The following PADI1 variants were observed in gnomAD, a reference collection of about 807,000 sequenced individuals.
PADI1 encodes the protein protein-arginine deiminase type-1.
PADI1 carries 65 observed loss-of-function variants against 74.8 expected under a neutral mutation model. The ratio of observed to expected loss-of-function variants is 0.87; its 90% CI spans 0.71 to 1.07. PADI1 has a LOEUF of 1.07. PADI1 is among the 50% of genes least tolerant of loss of function. The pLI is 0.00. For missense variants in PADI1, 943 were observed against 854.0 expected, an observed-to-expected ratio of 1.10 and a Z score of -1.30; for synonymous variants, 371 against 336.2, an observed-to-expected ratio of 1.10 and a Z score of -1.13.
chr1:17,212,391 C>T (rs2071856973), intron 1 of PADI1, among the ~76,000 whole-genome samples: 1 of 150,680 alleles, frequency 6.6e-6, no homozygotes, highest in African/African-American at 2.4e-5. Flanking sequence ...CACCACTCAT[C>T]CAGCACAGTG....
At position 17,228,708 on chromosome 1, in the gene PADI1, G is replaced by T. The variant is rs1316554564; in HGVS notation, c.736G>T (p.Glu246Ter). The change falls in exon 7 of 16, where the codon GAG becomes TAG. Residue 246 changes from glutamate (E) to a stop codon, truncating the protein, a stop_gained. Coordinates refer to ENST00000375471, the MANE Select transcript of PADI1 (RefSeq NM_013358.3). LOFTEE classifies it high-confidence loss of function. ...AGTTGAGCGACAGCCAGGGGAGCAG[G>T]AGATCAAGTTCTATGTGGAGGGGCT... ...YEVERQPGEQ[E>*]IKFYVEGLTF... 4 of 1,614,224 alleles carry T rather than the reference G, an allele frequency of 2.5e-6. No homozygotes were observed. In the East Asian group the frequency reaches 8.9e-5, roughly 36 times the overall value.
chr1:17,221,021 C>T (rs986384775), intron 1 of PADI1, among the ~76,000 whole-genome samples: 1 of 152,216 alleles, frequency 6.6e-6, no homozygotes, highest in Non-Finnish European at 1.5e-5. Flanking sequence ...GTGCCCCAGG[C>T]TGGGGCCAAG....
Position 17,244,623 on chromosome 1 carries a change from C to G in PADI1, c.*380C>G, listed in dbSNP as rs2072847538. 2.7e-6 allele frequency: 1 copy of G among 370,100 alleles called. No individual in the cohort carries two copies. Among genetic ancestry groups the G allele is most frequent in the African/African-American group, 2.1e-5 (1 of 47,440 alleles). The allele number at this position is 370,100 out of a possible 1,614,324, so 22.9% of individuals were successfully genotyped here. A position where few individuals can be genotyped will look rare whatever the true frequency, so the allele number is the denominator to read the frequency against. On this transcript the variant is annotated 3_prime_UTR_variant, in exon 16 of 16. Coordinates refer to ENST00000375471, the MANE Select transcript of PADI1 (RefSeq NM_013358.3). Reference sequence around the variant, plus strand: ...CAAGGATAATGACTTTGCATCTGCACCTGGAACGGGGCCTGGGGGACCTGG... The same window carrying G: ...CAAGGATAATGACTTTGCATCTGCAGCTGGAACGGGGCCTGGGGGACCTGG...
intron 6 of PADI1, among the ~76,000 whole-genome samples, chr1:17,226,894 C>CA (rs1215202913): frequency 6.6e-6 from 1 of 151,894 alleles, no homozygotes; most frequent in East Asian, 1.9e-4. Flanking sequence ...CTAAAAAATA[C>CA]AAAAAAATTA....
intron 1 of PADI1, among the ~76,000 whole-genome samples, chr1:17,221,572 G>C (rs555676964): frequency 1.3e-5 from 2 of 152,226 alleles, no homozygotes; most frequent in Non-Finnish European, 1.5e-5. Context: ...ATTGGGTGGG[G>C]GCAGGAGCTT....
chr1:17,212,096 C>T lies in PADI1; in HGVS notation c.92+6787C>T, dbSNP rs903315324. The stretch of plus-strand genomic sequence containing the variant: ...GCTGCTGGCCTTTAGCTGGAGCTCA[C>T]GGGGTGGCGGCCAGTACCCCGGGAC... On this transcript the variant is annotated intron_variant, in intron 1 of 15. Transcript: ENST00000375471. Among the ~76,000 whole-genome samples, 18 of 152,198 alleles carry T rather than the reference C, an allele frequency of 1.2e-4. 1 individual carries two copies. Among genetic ancestry groups the T allele is most frequent in the Non-Finnish European group, 1.5e-4 (10 of 68,032 alleles).
chr1:17,233,042 T>C (rs2072541469), intron 11 of PADI1, 72 bp downstream of exon 11: 1 of 1,341,886 alleles, frequency 7.5e-7, no homozygotes. Flanking sequence ...TGTGCCCCCA[T>C]CACAAACACA....
chr1:17,209,588 C>T (rs1227456657), intron 1 of PADI1, among the ~76,000 whole-genome samples: 1 of 152,196 alleles, frequency 6.6e-6, no homozygotes, highest in African/African-American at 2.4e-5. Flanking sequence ...CTCTCCCCCT[C>T]CCTCTGGCCC....
At chr1:17,212,772 T>TCTCTGACCC (rs2071866918) in intron 1 of PADI1, among the ~76,000 whole-genome samples, 2 of 152,292 alleles carry the variant, frequency 1.3e-5, no homozygotes, top group African/African-American at 2.4e-5. Flanking sequence ...ACCCAAGGCC[T>TCTCTGACCC]ATGCTATGCA....
chr1:17,208,243 C>G (rs1326472478), intron 1 of PADI1, among the ~76,000 whole-genome samples: 1 of 152,180 alleles, frequency 6.6e-6, no homozygotes, highest in Admixed American at 6.5e-5. Context: ...GGAAGTGATT[C>G]ATTCCCCCAG....
chr1:17,228,024 T>C (rs2072371385), intron 6 of PADI1, among the ~76,000 whole-genome samples: 1 of 152,232 alleles, frequency 6.6e-6, no homozygotes, highest in African/African-American at 2.4e-5. Context: ...AGGGTCTCAC[T>C]CTGTTGTCCA....
At chr1:17,209,268 C>T (rs1411614444) in intron 1 of PADI1, among the ~76,000 whole-genome samples, 1 of 152,180 alleles carries the variant, frequency 6.6e-6, no homozygotes, top group Non-Finnish European at 1.5e-5. Flanking sequence ...TGGCTGGACA[C>T]ATTCTCTGCT....
At chr1:17,232,737 C>T in intron 10 of PADI1, 82 bp from the exon 11 acceptor site, 1 of 1,283,808 alleles carries the variant, frequency 7.8e-7, no homozygotes, top group Non-Finnish European at 1.1e-6. Flanking sequence ...CCCAGCAACT[C>T]CCCTCTACTC....
At chr1:17,221,035 G>C (rs1351168648) in intron 1 of PADI1, among the ~76,000 whole-genome samples, 1 of 152,212 alleles carries the variant, frequency 6.6e-6, no homozygotes, top group Non-Finnish European at 1.5e-5. Flanking sequence ...GGCCAAGGCA[G>C]ATGGGAGGCT....
chr1:17,220,189 C>T (rs1413884304), intron 1 of PADI1, among the ~76,000 whole-genome samples: 1 of 151,882 alleles, frequency 6.6e-6, no homozygotes, highest in East Asian at 1.9e-4. Flanking sequence ...CTGCACACTC[C>T]TGCCTCTTCT....
chr1:17,239,539 G>T (rs1041997381), intron 13 of PADI1, 165 bp from the exon 14 acceptor site: 19 of 593,972 alleles, frequency 3.2e-5, no homozygotes, highest in Non-Finnish European at 4.9e-5. Flanking sequence ...TGCAGCCATG[G>T]CTTGGTCCCT....
chr1:17,235,281 A>AGGAAGGAAGGAAGGAG (rs1557479046), intron 11 of PADI1, among the ~76,000 whole-genome samples: 6 of 134,004 alleles, frequency 4.5e-5, no homozygotes, highest in Non-Finnish European at 4.6e-5. Context: ...GAAGGAAGGA[A>AGGAAGGAAGGAAGGAG]GGAAGGAAGG....
At chr1:17,225,725 A>G (rs2072288071) in intron 4 of PADI1, 86 bp from the exon 5 acceptor site, 3 of 861,832 alleles carry the variant, frequency 3.5e-6, no homozygotes, top group Admixed American at 2.2e-5. Flanking sequence ...ATAATCTAAT[A>G]AAGCAGCCCG....
chr1:17,232,360 C>T (rs1231200705), intron 10 of PADI1, among the ~76,000 whole-genome samples: 5 of 152,304 alleles, frequency 3.3e-5, no homozygotes, highest in Non-Finnish European at 7.4e-5. Flanking sequence ...CCCACTTCAC[C>T]CCCTGAGGAG....
Sources: allele counts gnomAD v4.1 joint callset (sites outside exome capture counted in the v4.1 genomes callset), GRCh38; gene constraint gnomAD v4.1.1; transcripts MANE v1.5; gene names NCBI Gene and HGNC (gene_info 2026-07-23, HGNC 2026-07-21).